FBXO41: variants seen among roughly 807,000 people sequenced by gnomAD.
FBXO41 encodes F-box protein 41.
In FBXO41, 33 loss-of-function variants were observed where a neutral mutation model predicts 81.6. The ratio of observed to expected loss-of-function variants is 0.40; its 90% confidence interval spans 0.31 to 0.54. The LOEUF (loss-of-function observed/expected upper bound fraction) is 0.54, where lower values mean the gene tolerates loss of function less well. FBXO41 is among the 20% of genes least tolerant of loss of function. The probability of loss-of-function intolerance (pLI) is 0.39; values close to 1 mark genes in which losing one functional copy is unlikely to be tolerated. For synonymous variants in FBXO41, 576 were observed against 552.7 expected, an observed-to-expected ratio of 1.04 and a Z score of -0.59; for missense variants, 1,107 against 1,236.0, an observed-to-expected ratio of 0.90 and a Z score of 1.56.
At position 73,269,598 on chromosome 2, in the gene FBXO41, G is replaced by C. The variant is rs771268242; in HGVS notation, c.33C>G (p.Pro11=). Residue 11 remains proline (P), a synonymous_variant, in exon 2 of 13, where the codon CCC becomes CCG. Coordinates refer to ENST00000520530, the MANE Select transcript of FBXO41 (RefSeq NM_001371389.2). The surrounding 1 kb of genome is among the most constrained non-coding windows in gnomAD (Gnocchi z 7.0). Reference sequence around the variant, plus strand: ...GGAAGCGCTTGTGCTCCCCGCAGCGGGGGCAGCGGTACGGCAGGTCCAGCG... The same window carrying C: ...GGAAGCGCTTGTGCTCCCCGCAGCGCGGGCAGCGGTACGGCAGGTCCAGCG... The part of the protein sequence containing the change: MASLDLPYRC[P]RCGEHKRFRS... 2.3e-6 allele frequency: 3 copies of C among 1,312,258 alleles called. No homozygotes were observed. The highest frequency in any genetic ancestry group is 7.8e-5 in the East Asian group (2 of 25,728). 81.3% of individuals were successfully genotyped at this position (1,312,258 alleles called of 1,614,324 possible). A position where few individuals can be genotyped will look rare whatever the true frequency, so the allele number is the denominator to read the frequency against.
intron 8 of FBXO41, 106 bp from the exon 9 acceptor site, chr2:73,263,414 T>C (rs1003656771): frequency 7.9e-6 from 7 of 889,462 alleles, no homozygotes; most frequent in Non-Finnish European, 1.2e-5. Context: ...GAGCCCAGGA[T>C]TCCAGACTAG....
chr2:73,269,470 G>A lies in FBXO41; in HGVS notation c.161C>T (p.Ala54Val), dbSNP rs752300998. Residue 54 changes from alanine (A) to valine (V), a missense_variant, in exon 2 of 13, where the codon GCC (alanine) becomes GTC (valine). Ala to Val is a moderately conservative substitution (Grantham distance 64, BLOSUM62 0). Coordinates refer to ENST00000520530, the MANE Select transcript of FBXO41 (RefSeq NM_001371389.2). This position sits in a 1 kb window ranked among gnomAD's most constrained non-coding sequence, Gnocchi z 7.0. Reference sequence around the variant, plus strand: ...CGAGGCAGCGGCGGCGGCGGCCGCGGCGGCGGCGGCGCCGTCGCAGATGCT... The same window carrying A: ...CGAGGCAGCGGCGGCGGCGGCCGCGACGGCGGCGGCGCCGTCGCAGATGCT... ...TNSICDGAAA[A>V]AAAAAAASGF... 5.5e-6 allele frequency: 7 copies of A among 1,269,578 alleles called. No individual in the cohort carries two copies. The African/African-American group carries it at 6.4e-5, about 12-fold the overall frequency. The allele number at this position is 1,269,578 out of a possible 1,614,324, so 78.6% of individuals were successfully genotyped here.
Position 73,263,292 on chromosome 2 carries a change from C to T in FBXO41, c.2092G>A (p.Val698Met), listed in dbSNP as rs368371379. Residue 698 changes from valine (V) to methionine (M), a missense_variant, in exon 9 of 13, where the codon GTG becomes ATG. Physicochemically the swap from Val to Met is conservative, Grantham distance 21 (BLOSUM62 1). Transcript: ENST00000520530. Reference protein sequence around the residue: ...AVTYRSATDPVGHEVIWALGA... With the variant: ...AVTYRSATDPMGHEVIWALGA... ...AGGGCCCAAATGACCTCATGGCCCA[C>T]GGGGTCTGTGGCACTCCTGTGAAAA... 5.2e-6 allele frequency: 8 copies of T among 1,540,362 alleles called. No homozygotes were observed. The highest frequency in any genetic ancestry group is 1.4e-5 in the African/African-American group (1 of 72,696).
intron 8 of FBXO41, among the ~76,000 whole-genome samples, 177 bp downstream of exon 8, chr2:73,263,501 A>G (rs1688097400): frequency 6.6e-6 from 1 of 152,074 alleles, no homozygotes; most frequent in Non-Finnish European, 1.5e-5. Context: ...ATACAAGACA[A>G]AGCTGGAGTC....
At chr2:73,270,705 C>T (rs1274176306) in intron 1 of FBXO41, 3 of 474,084 alleles carry the variant, frequency 6.3e-6, no homozygotes, top group Non-Finnish European at 8.6e-6. Context: ...AAGGTCCCTC[C>T]ATCCCCCCAC....
In FBXO41 at chr2:73,259,345, G is replaced by T; in HGVS notation, c.2450-49C>A. On this transcript the variant is annotated intron_variant, in intron 11 of 12. Transcript: ENST00000520530. This position sits in a 1 kb window ranked among gnomAD's most constrained non-coding sequence, Gnocchi z 4.2. Reference sequence around the variant, plus strand: ...GGGCGTGTTTGGCCTGGGCTGTGGAGCTGCCTCCTCTCCTCTCACTAATTA... The same window carrying T: ...GGGCGTGTTTGGCCTGGGCTGTGGATCTGCCTCCTCTCCTCTCACTAATTA... 6.9e-7 allele frequency: 1 copy of T among 1,446,392 alleles called. No individual in the cohort carries two copies. Among genetic ancestry groups the T allele is most frequent in the Non-Finnish European group, 9.7e-7 (1 of 1,027,902 alleles). The allele number at this position is 1,446,392 out of a possible 1,614,324, so 89.6% of individuals were successfully genotyped here.
At position 73,284,032 on chromosome 2, in the gene FBXO41, T is replaced by C. The variant is rs1471862986; in HGVS notation, c.-139+128A>G. 3 of 152,298 alleles carry C rather than the reference T, an allele frequency of 2.0e-5. No individual in the cohort carries two copies. The highest frequency in any genetic ancestry group is 4.4e-5 in the Non-Finnish European group (3 of 68,122). 9.4% of individuals were successfully genotyped at this position (152,298 alleles called of 1,614,324 possible). A position where few individuals can be genotyped will look rare whatever the true frequency, so the allele number is the denominator to read the frequency against. ...CTGGCCTGCCCAGAATCCCTCCCCG[T>C]TGGGCGGCCTCGCGGGCCTCCGGAG... On this transcript the variant is annotated intron_variant, in intron 1 of 12. Coordinates refer to ENST00000520530, the MANE Select transcript of FBXO41 (RefSeq NM_001371389.2). The surrounding 1 kb of genome is among the most constrained non-coding windows in gnomAD (Gnocchi z 7.4).
Position 73,259,714 on chromosome 2 carries a change from C to T in FBXO41, c.2450-418G>A, listed in dbSNP as rs1328342848. Reference sequence around the variant, plus strand: ...AGAGGGCTTCAGGGACTGGATATGTCGTGAAGTCGGGGGAGGTAGAGGAAG... The same window carrying T: ...AGAGGGCTTCAGGGACTGGATATGTTGTGAAGTCGGGGGAGGTAGAGGAAG... On this transcript the variant is annotated intron_variant, in intron 11 of 12. Transcript: ENST00000520530. This position sits in a 1 kb window ranked among gnomAD's most constrained non-coding sequence, Gnocchi z 4.2. Among the ~76,000 whole-genome samples, 1 of 151,796 alleles carries T rather than the reference C, an allele frequency of 6.6e-6. No homozygotes were observed. Among genetic ancestry groups the T allele is most frequent in the African/African-American group, 2.4e-5 (1 of 41,266 alleles).
intron 2 of FBXO41, among the ~76,000 whole-genome samples, chr2:73,267,966 G>A (rs1688328424): frequency 6.6e-6 from 1 of 152,140 alleles, no homozygotes; most frequent in Non-Finnish European, 1.5e-5. Flanking sequence ...TCAAAAAATT[G>A]TGTCAAACCA....
At chr2:73,265,997 G>A (rs1688257986) in intron 3 of FBXO41, 31 bp from the exon 4 acceptor site, 6 of 1,548,612 alleles carry the variant, frequency 3.9e-6, no homozygotes, top group Non-Finnish European at 4.4e-6. Flanking sequence ...AGGTAAAGGA[G>A]AGGGGCGGAG....
intron 1 of FBXO41, among the ~76,000 whole-genome samples, chr2:73,276,559 TCAGAGAGAGA>T (rs1688686371): frequency 2.6e-5 from 2 of 75,746 alleles, no homozygotes; most frequent in African/African-American, 9.2e-5. Context: ...GCAAATCTAT[TCAGAGAGAGA>T]GAGAGAGAGA....
chr2:73,259,182 T>C lies in FBXO41; in HGVS notation c.2564A>G (p.Gln855Arg), dbSNP rs560927594. Reference sequence around the variant, plus strand: ...ACAGCCTCAGAGCTGACCCCTCACCTGGAGTTTTGTCACCATGTCCTCAAA... The same window carrying C: ...ACAGCCTCAGAGCTGACCCCTCACCCGGAGTTTTGTCACCATGTCCTCAAA... ...KLFEDMVTKL[Q>R]ALRRRPGFSK... The change falls in exon 12 of 13, where the codon CAG becomes CGG. Residue 855 changes from glutamine to arginine, a missense_variant and splice_region_variant. By Grantham distance (43) the Gln-to-Arg change is conservative. Coordinates refer to ENST00000520530, the MANE Select transcript of FBXO41 (RefSeq NM_001371389.2). The surrounding 1 kb of genome is among the most constrained non-coding windows in gnomAD (Gnocchi z 4.2). The C allele has an allele frequency of 1.9e-6, 3 of 1,613,940 alleles. No individual in the cohort carries two copies. Among genetic ancestry groups the C allele is most frequent in the East Asian group, 4.5e-5 (2 of 44,886 alleles).
chr2:73,267,826 A>G (rs978099119), intron 2 of FBXO41, among the ~76,000 whole-genome samples: 38 of 152,256 alleles, frequency 2.5e-4, no homozygotes, highest in Non-Finnish European at 5.9e-5. Flanking sequence ...ATTTTATAAA[A>G]AAAAGTGTTG....
chr2:73,280,460 A>G (rs1688814449), intron 1 of FBXO41, among the ~76,000 whole-genome samples: 1 of 152,204 alleles, frequency 6.6e-6, no homozygotes, highest in South Asian at 2.1e-4. Context: ...GCCCACCCTC[A>G]AGACTGGCTG....
In FBXO41 at chr2:73,269,129, A is replaced by T. The variant is rs1213613424; in HGVS notation, c.502T>A (p.Cys168Ser). The T allele has an allele frequency of 5.9e-6, 9 of 1,515,944 alleles. No individual in the cohort carries two copies. Among genetic ancestry groups the T allele is most frequent in the Non-Finnish European group, 7.9e-6 (9 of 1,138,904 alleles). The allele number at this position is 1,515,944 out of a possible 1,614,324, so 93.9% of individuals were successfully genotyped here. A position where few individuals can be genotyped will look rare whatever the true frequency, so the allele number is the denominator to read the frequency against. ...FARKSVASSA[C>S]STPPPGPGPG... ...CCGGGGCCAGGCGGCGGCGTCGAGC[A>T]CGCCGAGGACGCCACGGACTTGCGG... The change falls in exon 2 of 13, where the codon TGC becomes AGC. Residue 168 changes from cysteine to serine, a missense_variant. By Grantham distance (112) the Cys-to-Ser change is moderately radical. Around this residue, in one of 2 missense-constraint regions of FBXO41, gnomAD observed 771 missense variants for 789.2 expected, o/e 0.98. Transcript: ENST00000520530. The surrounding 1 kb of genome is among the most constrained non-coding windows in gnomAD (Gnocchi z 7.0).
chr2:73,276,078 A>G (rs2103907380), intron 1 of FBXO41, among the ~76,000 whole-genome samples: 1 of 147,302 alleles, frequency 6.8e-6, no homozygotes, highest in African/African-American at 2.5e-5. Context: ...GAGCCACCAC[A>G]CCTGGCCAAG....
chr2:73,263,036 T>C (rs997812105), intron 9 of FBXO41, among the ~76,000 whole-genome samples, 177 bp downstream of exon 9: 28 of 152,168 alleles, frequency 1.8e-4, no homozygotes, highest in African/African-American at 6.8e-4. Context: ...TGAGATACCG[T>C]GCTCGACCAA....
In FBXO41 at chr2:73,264,343, A is replaced by C. The variant is rs1303763589; in HGVS notation, c.1741T>G (p.Phe581Val). Reference sequence around the variant, plus strand: ...CAGACTGCGGGGTGGCGGGCCACGAAGCGCCAGTCCCGGCAGACCTCGGCA... The same window carrying C: ...CAGACTGCGGGGTGGCGGGCCACGACGCGCCAGTCCCGGCAGACCTCGGCA... ...HAAEVCRDWR[F>V]VARHPAVWTR... Residue 581 changes from phenylalanine to valine, a missense_variant, in exon 6 of 13, where the codon TTC (phenylalanine) becomes GTC (valine). Physicochemically the swap from Phe to Val is conservative, Grantham distance 50 (BLOSUM62 -1). Transcript: ENST00000520530. The C allele has an allele frequency of 3.1e-6, 5 of 1,613,702 alleles. No homozygotes were observed. Among genetic ancestry groups the C allele is most frequent in the Non-Finnish European group, 4.2e-6 (5 of 1,179,890 alleles).
At position 73,260,461 on chromosome 2, in the gene FBXO41, C is replaced by T. The variant is rs1416993536; in HGVS notation, c.2377G>A (p.Gly793Ser). ...ACCAGCATCTCCAGTCCCTTCAGGC[C>T]TTCCCGGCAGACCTCTGCTGCCACC... ...QEVAAEVCRE[G>S]LKGLEMLVLT... The change falls in exon 11 of 13, where the codon GGC becomes AGC. Residue 793 changes from glycine (G) to serine (S), a missense_variant. Gly to Ser is a moderately conservative substitution (Grantham distance 56, BLOSUM62 0). Around this residue, in one of 2 missense-constraint regions of FBXO41, gnomAD observed 336 missense variants for 446.7 expected, o/e 0.75. Coordinates refer to ENST00000520530, the MANE Select transcript of FBXO41 (RefSeq NM_001371389.2). The surrounding 1 kb of genome is among the most constrained non-coding windows in gnomAD (Gnocchi z 5.0). 5 of 1,607,530 alleles carry T rather than the reference C, an allele frequency of 3.1e-6. No homozygotes were observed. In the African/African-American group the frequency reaches 6.7e-5, roughly 22 times the overall value.
Sources: gnomAD v4.1 joint callset for allele counts (sites outside exome capture counted in the v4.1 genomes callset) on GRCh38, gnomAD v4.1.1 for gene constraint, gnomAD v4.1.1 regional missense constraint, Gnocchi (gnomAD v3.1) non-coding constraint, MANE v1.5 for transcripts, NCBI Gene and HGNC (gene_info 2026-07-23, HGNC 2026-07-21) for gene names.